Variants in PRDM10 observed in about 807,000 individuals in gnomAD.
PRDM10 encodes PR/SET domain 10, also known as PR domain zinc finger protein 10.
A neutral mutation model predicts 133.1 loss-of-function variants in PRDM10; 65 were observed. The observed-to-expected ratio is 0.49, with a 90% CI of 0.40 to 0.60. The LOEUF (loss-of-function observed/expected upper bound fraction) is 0.60, where lower values mean the gene tolerates loss of function less well. PRDM10 is among the 20% of genes least tolerant of loss of function. PRDM10 has a pLI of 0.00. For missense variants in PRDM10, 1,137 were observed against 1,507.1 expected, an observed-to-expected ratio of 0.75 and a Z score of 4.07; for synonymous variants, 582 against 580.4, an observed-to-expected ratio of 1.00 and a Z score of -0.04.
intron 4 of PRDM10, among the ~76,000 whole-genome samples, chr11:129,949,795 A>T (rs1418405359): frequency 1.3e-5 from 2 of 151,922 alleles, no homozygotes; most frequent in African/African-American, 4.8e-5. Flanking sequence ...GTAGCTGGGC[A>T]TGGTAGCGGG....
chr11:129,963,394 GAGAAGAGA>G (rs1565498368), intron 1 of PRDM10, among the ~76,000 whole-genome samples: 4,957 of 143,038 alleles, frequency 0.035, 286 homozygotes, highest in East Asian at 0.12. Context: ...GAGAAGAGAA[GAGAAGAGA>G]AGAGAAGAGA....
rs1026631736 is a variant in PRDM10, at chr11:129,931,028, G to C, written c.1518C>G (p.Ala506=). Residue 506 remains alanine (A), a synonymous_variant, in exon 11 of 21, where the codon GCC becomes GCG. Coordinates refer to ENST00000360871, the MANE Select transcript of PRDM10 (RefSeq NM_199437.2). ...TTTCCCCACTTACTCGGATGCGCTT[G>C]GCTCTGCGCATGTCGTCGGCTGTCA... ...STLTADDMRR[A]KRIRNAALQH... The C allele has an allele frequency of 4.3e-6, 7 of 1,610,956 alleles. No homozygotes were observed. The highest frequency in any genetic ancestry group is 2.2e-5 in the South Asian group (2 of 90,738).
intron 2 of PRDM10, 62 bp from the exon 3 acceptor site, chr11:129,957,972 C>T: frequency 1.3e-6 from 2 of 1,518,020 alleles, no homozygotes; most frequent in Non-Finnish European, 1.8e-6. Context: ...TCAACAAGCA[C>T]ACCTGGGTTT....
chr11:129,988,901 T>C (rs891309406), intron 1 of PRDM10, among the ~76,000 whole-genome samples: 3 of 151,530 alleles, frequency 2.0e-5, no homozygotes, highest in Admixed American at 6.6e-5. Context: ...AGTGCTGGGA[T>C]TACAGGCGTG....
At position 129,902,434 on chromosome 11, in the gene PRDM10, G is replaced by A; in HGVS notation, c.3350C>T (p.Pro1117Leu). Residue 1117 changes from proline (P) to leucine (L), a missense_variant, in exon 21 of 21, where the codon CCA (proline) becomes CTA (leucine). Around this residue, in one of 6 missense-constraint regions of PRDM10, gnomAD observed 243 missense variants for 259.2 expected, o/e 0.94. Coordinates refer to ENST00000360871, the MANE Select transcript of PRDM10 (RefSeq NM_199437.2). The stretch of plus-strand genomic sequence containing the variant: ...GTCCAGGGAGTCACTGTGTGCAGGT[G>A]GCTCGACCTGGACTCCACCAGAGAG... ...SALSGGVQVE[P>L]PAHSDSLDPQ... is the part of the protein sequence containing the mutation. 1 of 1,614,140 alleles carries A rather than the reference G, an allele frequency of 6.2e-7. No individual in the cohort carries two copies. The highest frequency in any genetic ancestry group is 8.5e-7 in the Non-Finnish European group (1 of 1,180,036).
At chr11:129,976,681 T>TTGGAAGGAACGTAA (rs1305208471) in intron 1 of PRDM10, among the ~76,000 whole-genome samples, 1 of 152,290 alleles carries the variant, frequency 6.6e-6, no homozygotes, top group East Asian at 1.9e-4. Flanking sequence ...GTTCATTCAC[T>TTGGAAGGAACGTAA]TGGAAGGAAC....
rs995697210 is a variant in PRDM10, at chr11:129,983,441, C to A, written c.-119+19281G>T. Reference sequence around the variant, plus strand: ...TCCCGAGTAGCTGGTACTACAGGTGCCCCCCACCGCGCCCAGCTAATTTTG... The same window carrying A: ...TCCCGAGTAGCTGGTACTACAGGTGACCCCCACCGCGCCCAGCTAATTTTG... On this transcript the variant is annotated intron_variant, in intron 1 of 20. Coordinates refer to ENST00000360871, the MANE Select transcript of PRDM10 (RefSeq NM_199437.2). 5.3e-5 allele frequency among the ~76,000 whole-genome samples: 8 copies of A among 152,004 alleles called. 1 individual carries two copies. The South Asian group carries it at 1.7e-3, about 32-fold the overall frequency.
chr11:129,960,988 C>A lies in PRDM10; in HGVS notation c.-24G>T. 1 of 1,612,724 alleles carries A rather than the reference C, an allele frequency of 6.2e-7. No individual in the cohort carries two copies. The highest frequency in any genetic ancestry group is 8.5e-7 in the Non-Finnish European group (1 of 1,178,846). On this transcript the variant is annotated 5_prime_UTR_variant, in exon 2 of 21. Transcript: ENST00000360871. ...ATCTTCTCCCAACTGGACAGCTCCA[C>A]GTCTGGCACACCTAGAGCAGCACAG...
intron 20 of PRDM10, among the ~76,000 whole-genome samples, chr11:129,904,155 T>TAAAAA (rs11409202): frequency 9.3e-6 from 1 of 107,416 alleles, no homozygotes; most frequent in Admixed American, 1.0e-4. Context: ...CTCAGTATAC[T>TAAAAA]AAAAAAAAAA....
At chr11:129,927,261 G>A (rs998327040) in intron 11 of PRDM10, among the ~76,000 whole-genome samples, 1 of 144,588 alleles carries the variant, frequency 6.9e-6, no homozygotes, top group Non-Finnish European at 1.5e-5. Context: ...TTTCACTTCT[G>A]TGTAGTTCAG....
At chr11:129,921,116 T>TCTA in intron 13 of PRDM10, among the ~76,000 whole-genome samples, 1 of 152,118 alleles carries the variant, frequency 6.6e-6, no homozygotes, top group African/African-American at 2.4e-5. Flanking sequence ...TTTTCTCTAT[T>TCTA]CTAGTGTGAG....
Position 129,932,175 on chromosome 11 carries a change from G to A in PRDM10, c.1214C>T (p.Pro405Leu), listed in dbSNP as rs996300141. 5.6e-6 allele frequency: 9 copies of A among 1,613,980 alleles called. No homozygotes were observed. The highest frequency in any genetic ancestry group is 2.7e-5 in the African/African-American group (2 of 74,910). The change falls in exon 10 of 21, where the codon CCG becomes CTG. Residue 405 changes from proline to leucine, a missense_variant. Pro to Leu is a moderately conservative substitution (Grantham distance 98). This residue lies in a region of PRDM10 where 635 missense variants were observed against 835.2 expected (regional missense o/e 0.76). Coordinates refer to ENST00000360871, the MANE Select transcript of PRDM10 (RefSeq NM_199437.2). ...GKRRFGPGRR[P>L]GRPPKFIRLE... ...GCGGATAAATTTTGGAGGACGCCCC[G>A]GCCGTCGACCTGGACCGAATCGCCT...
In PRDM10 at chr11:129,916,390, A is replaced by G. The variant is rs557094457; in HGVS notation, c.2326-530T>C. Among the ~76,000 whole-genome samples, 590 of 152,344 alleles carry G rather than the reference A, an allele frequency of 3.9e-3. 4 individuals carry two copies. Among genetic ancestry groups the G allele is most frequent in the Non-Finnish European group, 5.1e-3 (348 of 68,036 alleles). ...TGGCTGGGTGTGGTGGCTCATGCCT[A>G]TAATCCCAGCACTTTGGGAGGCCGA... On this transcript the variant is annotated intron_variant, in intron 15 of 20. Transcript: ENST00000360871.
In PRDM10 at chr11:129,977,971, A is replaced by G. The variant is rs200642846; in HGVS notation, c.-118-16889T>C. Among the ~76,000 whole-genome samples, 615 of 150,824 alleles carry G rather than the reference A, an allele frequency of 4.1e-3. 2 individuals carry two copies. The highest frequency in any genetic ancestry group is 0.013 in the African/African-American group (546 of 40,676). Reference sequence around the variant, plus strand: ...GTGAGAGACCCTGTCTTTAAAAAAAAAAAGAAAGAAAGAAAGAAAGCAGGA... The same window carrying G: ...GTGAGAGACCCTGTCTTTAAAAAAAGAAAGAAAGAAAGAAAGAAAGCAGGA... On this transcript the variant is annotated intron_variant, in intron 1 of 20. Transcript: ENST00000360871.
intron 1 of PRDM10, among the ~76,000 whole-genome samples, chr11:129,999,469 G>T (rs1475178513): frequency 1.3e-5 from 2 of 152,148 alleles, no homozygotes; most frequent in Non-Finnish European, 2.9e-5. Flanking sequence ...TGCTGGACTG[G>T]GTGTGGCTAC....
chr11:129,973,976 G>A (rs1004002092), intron 1 of PRDM10, among the ~76,000 whole-genome samples: 3 of 152,168 alleles, frequency 2.0e-5, no homozygotes, highest in Non-Finnish European at 2.9e-5. Context: ...CATTCCCAGC[G>A]CGCTCAGCAG....
chr11:129,995,674 C>T (rs866095031), intron 1 of PRDM10, among the ~76,000 whole-genome samples: 2 of 151,856 alleles, frequency 1.3e-5, no homozygotes, highest in South Asian at 2.1e-4. Context: ...GGGCAGGGGC[C>T]GTAGCGCACG....
intron 1 of PRDM10, among the ~76,000 whole-genome samples, chr11:129,998,414 C>T (rs955150144): frequency 6.6e-6 from 1 of 152,028 alleles, no homozygotes; most frequent in Non-Finnish European, 1.5e-5. Flanking sequence ...CATTTGACTC[C>T]AATATTCTCC....
intron 6 of PRDM10, among the ~76,000 whole-genome samples, chr11:129,944,458 G>T (rs573203698): frequency 1.3e-5 from 2 of 151,694 alleles, no homozygotes; most frequent in East Asian, 1.9e-4. Flanking sequence ...GGTGGCGGGC[G>T]CCTGTAGTCC....
Sources: allele counts gnomAD v4.1 joint callset (sites outside exome capture counted in the v4.1 genomes callset), GRCh38; gene constraint gnomAD v4.1.1; regional missense constraint gnomAD v4.1.1; transcripts MANE v1.5; gene names NCBI Gene and HGNC (gene_info 2026-07-23, HGNC 2026-07-21).